The following ZNF180 variants were observed in gnomAD, a reference collection of about 807,000 sequenced individuals.
ZNF180 encodes zinc finger protein 180.
In ZNF180, 11 loss-of-function variants were observed where a neutral mutation model predicts 11.8. The ratio of observed to expected loss-of-function variants is 0.93; its 90% CI spans 0.59 to 1.55. The LOEUF is 1.55. Among genes scored for constraint, ZNF180 ranks in the 40% most tolerant of loss-of-function variants. ZNF180 has a pLI of 0.00. For synonymous variants in ZNF180, 287 were observed against 257.7 expected, an observed-to-expected ratio of 1.11 and a Z score of -1.09; for missense variants, 773 against 781.7, an observed-to-expected ratio of 0.99 and a Z score of 0.13.
intron 2 of ZNF180, among the ~76,000 whole-genome samples, chr19:44,489,966 GAAAA>G (rs1267872231): frequency 1.7e-4 from 19 of 109,774 alleles, no homozygotes; most frequent in African/African-American, 6.6e-4. Flanking sequence ...AAGAAAGAAA[GAAAA>G]GAAAGAAAGA....
In ZNF180 at chr19:44,500,369, C is replaced by A; in HGVS notation, c.-138G>T. 8.4e-7 allele frequency: 1 copy of A among 1,188,172 alleles called. No individual in the cohort carries two copies. The highest frequency in any genetic ancestry group is 1.3e-5 in the South Asian group (1 of 78,880). 73.6% of individuals were successfully genotyped at this position (1,188,172 alleles called of 1,614,324 possible). A position where few individuals can be genotyped will look rare whatever the true frequency, so the allele number is the denominator to read the frequency against. On this transcript the variant is annotated 5_prime_UTR_variant, in exon 1 of 5. Transcript: ENST00000592529. The stretch of plus-strand genomic sequence containing the variant: ...CAGGACGAACTCGGGTTAGGCAACC[C>A]CCTGCCCCGATTCTGCAACACGGCC...
Position 44,497,506 on chromosome 19 carries a change from T to G in ZNF180, c.-43-129A>C, listed in dbSNP as rs980732779. 9.7e-6 allele frequency: 9 copies of G among 931,062 alleles called. No homozygotes were observed. In the Admixed American group the frequency reaches 2.0e-4, roughly 21 times the overall value. 57.7% of individuals were successfully genotyped at this position (931,062 alleles called of 1,614,324 possible). ...TAGCAAATGCACTTCTGGAGGTTCC[T>G]GCCAGCTTCCTGCCCAAATACCTGT... On this transcript the variant is annotated intron_variant, in intron 1 of 4. Coordinates refer to ENST00000592529, the MANE Select transcript of ZNF180 (RefSeq NM_001278509.3).
rs748470506 is a variant in ZNF180, at chr19:44,477,822, T to A, written c.578A>T (p.His193Leu). ...ATGCCATTTTTTAGCATGTGATACATGTTTATGAAAATGGTTTCTTATGGG... is the reference window on the plus strand; with the variant it reads ...ATGCCATTTTTTAGCATGTGATACAAGTTTATGAAAATGGTTTCTTATGGG... ...VIPIRNHFHK[H>L]VSHAKKWHLN... Residue 193 changes from histidine (H) to leucine (L), a missense_variant, in exon 5 of 5, where the codon CAT becomes CTT. Physicochemically the swap from His to Leu is moderately conservative, Grantham distance 99 (BLOSUM62 -3). Coordinates refer to ENST00000592529, the MANE Select transcript of ZNF180 (RefSeq NM_001278509.3). The A allele has an allele frequency of 6.2e-7, 1 of 1,614,024 alleles. No homozygotes were observed. The highest frequency in any genetic ancestry group is 2.2e-5 in the East Asian group (1 of 44,872).
chr19:44,496,977 A>T (rs58125936), intron 2 of ZNF180, among the ~76,000 whole-genome samples: 1,944 of 152,262 alleles, frequency 0.013, 33 homozygotes, highest in African/African-American at 0.045. Context: ...ATCCTCTTAC[A>T]TTGCACATTT....
At position 44,476,221 on chromosome 19, in the gene ZNF180, C is replaced by A. The variant is rs1969862225; in HGVS notation, c.*181G>T. On this transcript the variant is annotated 3_prime_UTR_variant, in exon 5 of 5. Transcript: ENST00000592529. ...ATATGGAATTGCCAGGTTGAAAAGT[C>A]GTTCATAGACTTTCCCCCTTTCTTT... 1.9e-6 allele frequency: 1 copy of A among 540,036 alleles called. No homozygotes were observed. The highest frequency in any genetic ancestry group is 1.9e-5 in the African/African-American group (1 of 51,532). The allele number at this position is 540,036 out of a possible 1,614,324, so 33.5% of individuals were successfully genotyped here.
chr19:44,493,313 G>C (rs1226200681), intron 2 of ZNF180, among the ~76,000 whole-genome samples: 1 of 152,200 alleles, frequency 6.6e-6, no homozygotes, highest in Non-Finnish European at 1.5e-5. Context: ...CGCTGGACCA[G>C]CTGCTACTTC....
chr19:44,493,527 AG>A (rs1970501522), intron 2 of ZNF180, among the ~76,000 whole-genome samples: 1 of 152,218 alleles, frequency 6.6e-6, no homozygotes, highest in Admixed American at 6.5e-5. Flanking sequence ...AATTAACTAG[AG>A]GACATTCAGA....
At chr19:44,497,716 G>A (rs960654015) in intron 1 of ZNF180, among the ~76,000 whole-genome samples, 1 of 151,996 alleles carries the variant, frequency 6.6e-6, no homozygotes. Context: ...CTGGGCCCTG[G>A]GATCCCCACA....
chr19:44,494,407 G>A (rs751401955), intron 2 of ZNF180, among the ~76,000 whole-genome samples: 25 of 152,198 alleles, frequency 1.6e-4, no homozygotes, highest in Admixed American at 1.2e-3. Flanking sequence ...GGCTCACCCC[G>A]TAATCCCGGC....
In ZNF180 at chr19:44,475,796, T is replaced by C. The variant is rs1370184521; in HGVS notation, c.*606A>G. 6.6e-6 allele frequency: 1 copy of C among 152,234 alleles called. No homozygotes were observed. Among genetic ancestry groups the C allele is most frequent in the Non-Finnish European group, 1.5e-5 (1 of 68,050 alleles). The allele number at this position is 152,234 out of a possible 1,614,324, so 9.4% of individuals were successfully genotyped here. A position where few individuals can be genotyped will look rare whatever the true frequency, so the allele number is the denominator to read the frequency against. ...ATACACAAATATTTTATCATAATGG[T>C]TTTAGAAGTGAATATTATTTCTATA... On this transcript the variant is annotated 3_prime_UTR_variant, in exon 5 of 5. Coordinates refer to ENST00000592529, the MANE Select transcript of ZNF180 (RefSeq NM_001278509.3).
chr19:44,481,452 T>G (rs542241363), intron 3 of ZNF180, among the ~76,000 whole-genome samples: 10 of 152,352 alleles, frequency 6.6e-5, no homozygotes, highest in Non-Finnish European at 1.3e-4. Flanking sequence ...AATGCATGCT[T>G]CTTTTTAATA....
chr19:44,491,136 T>G (rs1970440111), intron 2 of ZNF180, among the ~76,000 whole-genome samples: 3 of 152,242 alleles, frequency 2.0e-5, no homozygotes, highest in Non-Finnish European at 4.4e-5. Context: ...AAACAGCCAC[T>G]AGGAGAAGGG....
chr19:44,487,331 T>G (rs1025189121), intron 2 of ZNF180, among the ~76,000 whole-genome samples: 5 of 152,192 alleles, frequency 3.3e-5, no homozygotes, highest in African/African-American at 1.2e-4. Context: ...ACAATAAGTA[T>G]CAAAGAGCCA....
chr19:44,483,064 G>T (rs892837373), intron 3 of ZNF180, among the ~76,000 whole-genome samples: 1 of 152,152 alleles, frequency 6.6e-6, no homozygotes, highest in Non-Finnish European at 1.5e-5. Context: ...ATACAAAACT[G>T]CCCACGTTTC....
chr19:44,497,308 TG>T lies in ZNF180; in HGVS notation c.26del (p.Pro9GlnfsTer29), dbSNP rs748708651. On this transcript the variant is annotated frameshift_variant, in exon 2 of 5. Coordinates refer to ENST00000592529, the MANE Select transcript of ZNF180 (RefSeq NM_001278509.3). LOFTEE classifies it high-confidence loss of function. ...CCTGTGCACAGACCTTCGGGGGCTC[TG>T]GGGGCTTCTCATCCTGCTCTTCCAT... is the stretch of plus-strand genomic sequence containing the variant. MEEQDEKP[P>X]EPPKVCAQDS... 6 of 1,595,826 alleles carry T rather than the reference TG, an allele frequency of 3.8e-6. No individual in the cohort carries two copies. Among genetic ancestry groups the T allele is most frequent in the African/African-American group, 1.4e-5 (1 of 73,538 alleles).
At chr19:44,491,229 C>T (rs1210969641) in intron 2 of ZNF180, among the ~76,000 whole-genome samples, 1 of 152,234 alleles carries the variant, frequency 6.6e-6, no homozygotes, top group Non-Finnish European at 1.5e-5. Context: ...CAAGCCCCTC[C>T]CTTGGTTAGA....
intron 1 of ZNF180, among the ~76,000 whole-genome samples, chr19:44,499,086 C>T (rs1314419796): frequency 2.0e-5 from 3 of 152,146 alleles, no homozygotes; most frequent in Non-Finnish European, 4.4e-5. Context: ...GGTCAACTGC[C>T]CCACTATTTG....
intron 3 of ZNF180, among the ~76,000 whole-genome samples, chr19:44,483,449 A>C (rs1970135125): frequency 6.6e-6 from 1 of 152,208 alleles, no homozygotes; most frequent in Non-Finnish European, 1.5e-5. Flanking sequence ...AAATCCACAA[A>C]AGCAGCAGGA....
In ZNF180 at chr19:44,476,330, A is replaced by T; in HGVS notation, c.*72T>A. On this transcript the variant is annotated 3_prime_UTR_variant, in exon 5 of 5. Transcript: ENST00000592529. Reference sequence around the variant, plus strand: ...TGTTTTTATAGTAGTTCTTCCAACTACATGTACTACCTTAAAATAAATTTT... The same window carrying T: ...TGTTTTTATAGTAGTTCTTCCAACTTCATGTACTACCTTAAAATAAATTTT... 7.2e-7 allele frequency: 1 copy of T among 1,385,444 alleles called. No homozygotes were observed. Among genetic ancestry groups the T allele is most frequent in the Non-Finnish European group, 9.7e-7 (1 of 1,031,246 alleles). 85.8% of individuals were successfully genotyped at this position (1,385,444 alleles called of 1,614,324 possible).
Sources: gnomAD v4.1 joint callset for allele counts (sites outside exome capture counted in the v4.1 genomes callset) on GRCh38, gnomAD v4.1.1 for gene constraint, MANE v1.5 for transcripts, NCBI Gene and HGNC (gene_info 2026-07-23, HGNC 2026-07-21) for gene names.